The following NDRG3 variants were observed in gnomAD, a reference collection of about 807,000 sequenced individuals.
NDRG3 encodes the protein NDRG family member 3.
Under a neutral mutation model 57.2 loss-of-function variants are expected in NDRG3, and 23 were observed. The observed-to-expected ratio is 0.40, with a 90% CI of 0.29 to 0.57. The LOEUF (loss-of-function observed/expected upper bound fraction) is 0.57, where lower values mean the gene tolerates loss of function less well. Ranked by LOEUF, NDRG3 falls within the 20% of genes least tolerant of loss-of-function variation. NDRG3 has a pLI of 0.42. For missense variants in NDRG3, 384 were observed against 457.3 expected (o/e 0.84, Z 1.46); for synonymous variants, 132 against 162.6 (o/e 0.81, Z 1.43).
At chr20:36,707,605 G>T (rs1214761765) in intron 2 of NDRG3, among the ~76,000 whole-genome samples, 1 of 151,950 alleles carries the variant, frequency 6.6e-6, no homozygotes, top group African/African-American at 2.4e-5. Context: ...CGCTGATAGG[G>T]AAAAAGGACA....
At chr20:36,745,633 C>G (rs1014997960) in intron 1 of NDRG3, among the ~76,000 whole-genome samples, 2 of 152,230 alleles carry the variant, frequency 1.3e-5, no homozygotes, top group African/African-American at 4.8e-5. Flanking sequence ...GCTCACGGCC[C>G]CTCTTCCAAG....
intron 1 of NDRG3, among the ~76,000 whole-genome samples, chr20:36,740,476 A>G (rs1985874644): frequency 6.6e-6 from 1 of 152,164 alleles, no homozygotes; most frequent in Non-Finnish European, 1.5e-5. Context: ...CCTCCCGAGT[A>G]GCTGGGACTA....
chr20:36,713,729 G>A (rs1238409750), intron 2 of NDRG3, among the ~76,000 whole-genome samples: 1 of 152,152 alleles, frequency 6.6e-6, no homozygotes, highest in Admixed American at 6.6e-5. Flanking sequence ...CTTAATGAGT[G>A]CAATAAACAT....
chr20:36,669,515 C>T, intron 9 of NDRG3, among the ~76,000 whole-genome samples: 1 of 151,316 alleles, frequency 6.6e-6, no homozygotes, highest in Non-Finnish European at 1.5e-5. Context: ...CAGGCATGAG[C>T]CACCGTGCCC....
chr20:36,715,004 GTGTATATATA>G (rs1465289438), intron 2 of NDRG3, among the ~76,000 whole-genome samples: 886 of 32,294 alleles, frequency 0.027, 8 homozygotes, highest in Non-Finnish European at 0.041. Flanking sequence ...GTGTGTGTGT[GTGTATATATA>G]TATATATATA....
intron 12 of NDRG3, among the ~76,000 whole-genome samples, chr20:36,661,896 C>T (rs986069412): frequency 7.2e-5 from 11 of 152,178 alleles, no homozygotes; most frequent in African/African-American, 2.7e-4. Context: ...CTTCTAAAAT[C>T]AGGGATAATA....
chr20:36,743,815 C>A (rs1306391262), intron 1 of NDRG3, among the ~76,000 whole-genome samples: 1 of 150,480 alleles, frequency 6.6e-6, no homozygotes, highest in South Asian at 2.1e-4. Flanking sequence ...GAGACTCCGT[C>A]TCAAAAAACA....
chr20:36,702,405 G>C (rs1206296328), intron 3 of NDRG3, among the ~76,000 whole-genome samples: 1 of 152,146 alleles, frequency 6.6e-6, no homozygotes, highest in African/African-American at 2.4e-5. Flanking sequence ...CAAAGTGCTG[G>C]GATTACAGGC....
intron 13 of NDRG3, among the ~76,000 whole-genome samples, chr20:36,659,184 C>T (rs1304554152): frequency 6.6e-6 from 1 of 152,126 alleles, no homozygotes; most frequent in East Asian, 1.9e-4. Context: ...CTCCTGGCCT[C>T]CCACCTCGGC....
Position 36,697,911 on chromosome 20 carries a change from G to A in NDRG3, c.93+9061C>T, listed in dbSNP as rs1241574761. On this transcript the variant is annotated intron_variant, in intron 3 of 15. Coordinates refer to ENST00000349004, the MANE Select transcript of NDRG3 (RefSeq NM_032013.4). ...ATACAATCATGACATACCTTTTTCCGAATGTTTCCAATAGTTCTAGGTTAC... is the reference window on the plus strand; with the variant it reads ...ATACAATCATGACATACCTTTTTCCAAATGTTTCCAATAGTTCTAGGTTAC... Among the ~76,000 whole-genome samples, 8 of 150,358 alleles carry A rather than the reference G, an allele frequency of 5.3e-5. No homozygotes were observed. The East Asian group carries it at 1.4e-3, about 26-fold the overall frequency.
chr20:36,679,660 C>A (rs574295322), intron 8 of NDRG3, among the ~76,000 whole-genome samples: 3 of 151,548 alleles, frequency 2.0e-5, no homozygotes, highest in Non-Finnish European at 4.4e-5. Flanking sequence ...CCCACCACCA[C>A]GCCCGGCTAA....
chr20:36,671,435 T>A, intron 8 of NDRG3, 38 bp from the exon 9 acceptor site: 1 of 1,536,692 alleles, frequency 6.5e-7, no homozygotes, highest in Non-Finnish European at 9.0e-7. Context: ...AATGTAAGCA[T>A]ATGCAAAAAT....
chr20:36,739,783 G>A (rs1203481013), intron 1 of NDRG3, among the ~76,000 whole-genome samples: 2 of 151,650 alleles, frequency 1.3e-5, no homozygotes, highest in African/African-American at 2.4e-5. Context: ...GGTGGCGGGC[G>A]CCTGTAGTCC....
At chr20:36,654,905 G>C in intron 15 of NDRG3, 2 of 778,350 alleles carry the variant, frequency 2.6e-6, no homozygotes, top group Non-Finnish European at 2.4e-6. Flanking sequence ...GGCAACCTCA[G>C]CTGCCTGGTA....
intron 1 of NDRG3, among the ~76,000 whole-genome samples, chr20:36,743,226 G>A (rs1986004360): frequency 1.3e-5 from 2 of 152,334 alleles, no homozygotes; most frequent in Admixed American, 6.5e-5. Context: ...GGGCTCGGAG[G>A]CTCACGCCTG....
chr20:36,723,616 C>G (rs2148201377), intron 1 of NDRG3, among the ~76,000 whole-genome samples: 1 of 149,882 alleles, frequency 6.7e-6, no homozygotes, highest in South Asian at 2.1e-4. Flanking sequence ...GCAATTATGT[C>G]TGATTGGTGG....
chr20:36,735,349 G>C (rs1034497595), intron 1 of NDRG3, among the ~76,000 whole-genome samples: 2 of 152,170 alleles, frequency 1.3e-5, no homozygotes, highest in African/African-American at 2.4e-5. Flanking sequence ...TGCTCAACTG[G>C]TAAGTATAAT....
At chr20:36,701,897 A>T (rs1013610799) in intron 3 of NDRG3, among the ~76,000 whole-genome samples, 10 of 151,590 alleles carry the variant, frequency 6.6e-5, no homozygotes, top group Middle Eastern at 6.9e-3. Context: ...TTAAGAATGT[A>T]AGAGTTTAAG....
chr20:36,715,309 C>A (rs1357984469), intron 2 of NDRG3, among the ~76,000 whole-genome samples: 1 of 151,356 alleles, frequency 6.6e-6, no homozygotes, highest in East Asian at 1.9e-4. Flanking sequence ...GGCATCACTA[C>A]CTGCTTCGGA....
Sources: allele counts gnomAD v4.1 joint callset (sites outside exome capture counted in the v4.1 genomes callset), GRCh38; gene constraint gnomAD v4.1.1; transcripts MANE v1.5; gene names NCBI Gene and HGNC (gene_info 2026-07-23, HGNC 2026-07-21).